The following GCFC2 variants were observed in gnomAD, a reference collection of about 807,000 sequenced individuals.
GCFC2 encodes the protein intron Large complex component GCFC2.
A neutral mutation model predicts 99.4 loss-of-function variants in GCFC2; 102 were observed. The ratio of observed to expected loss-of-function variants is 1.03; its 90% CI spans 0.87 to 1.21. GCFC2 has a LOEUF of 1.21. Among genes scored for constraint, GCFC2 ranks in the 50% most tolerant of loss-of-function variants. The pLI, the probability that GCFC2 is intolerant of heterozygous loss-of-function variation, is 0.00. For synonymous variants in GCFC2, 338 were observed against 316.8 expected (o/e 1.07, Z -0.71); for missense variants, 973 against 920.9 (o/e 1.06, Z -0.73).
chr2:75,706,928 G>C (rs1359925349), intron 1 of GCFC2, among the ~76,000 whole-genome samples: 3 of 151,932 alleles, frequency 2.0e-5, no homozygotes, highest in Non-Finnish European at 4.4e-5. Context: ...GAAAAAAAAA[G>C]CGACAAAAAA....
chr2:75,694,841 G>A lies in GCFC2; in HGVS notation c.834-414C>T, dbSNP rs143607955. On this transcript the variant is annotated intron_variant, in intron 5 of 16. Transcript: ENST00000321027. ...ATAATGTCCTTTTTTGTATAAAAAC[G>A]GGAATATATAAGTATACATGTGCTT... is the stretch of plus-strand genomic sequence containing the variant. Among the ~76,000 whole-genome samples, 15 of 152,098 alleles carry A rather than the reference G, an allele frequency of 9.9e-5. No individual in the cohort carries two copies. In the East Asian group the frequency reaches 2.3e-3, roughly 23 times the overall value.
At chr2:75,713,045 T>G (rs1049355516), upstream of GCFC2, among the ~76,000 whole-genome samples, 22 of 152,338 alleles carry the variant, frequency 1.4e-4, no homozygotes, top group Admixed American at 1.3e-3. Flanking sequence ...GTTTCTCTGA[T>G]TGACCTAGCC....
At position 75,692,019 on chromosome 2, in the gene GCFC2, C is replaced by T; in HGVS notation, c.1102G>A (p.Asp368Asn). The stretch of plus-strand genomic sequence containing the variant: ...TACGTTGATTCATGTTTTAATTCAT[C>T]TTGCCTGCGTTTCATAAAGGTCATA... ...QAMTFMKRRQDELKHESTYLQ... is the reference protein window; with the variant it reads ...QAMTFMKRRQNELKHESTYLQ... Residue 368 changes from aspartate (D) to asparagine (N), a missense_variant, in exon 7 of 17, where the codon GAT (aspartate) becomes AAT (asparagine). Transcript: ENST00000321027. 1 of 1,566,414 alleles carries T rather than the reference C, an allele frequency of 6.4e-7. No homozygotes were observed.
Position 75,690,018 on chromosome 2 carries a change from A to T in GCFC2, c.1290T>A (p.Ser430Arg). The stretch of plus-strand genomic sequence containing the variant: ...TCTCTGCTGAAGGCAGTTCATCATC[A>T]CTAGATGTTCCTTCCTGATGGTTAC... ...GNCNHQEGTS[S>R]DDELPSAEMI... is the part of the protein sequence containing the mutation. Residue 430 changes from serine (S) to arginine (R), a missense_variant, in exon 9 of 17, where the codon AGT (serine) becomes AGA (arginine). Ser to Arg is a moderately radical substitution (Grantham distance 110). Transcript: ENST00000321027. 1 of 1,610,450 alleles carries T rather than the reference A, an allele frequency of 6.2e-7. No individual in the cohort carries two copies.
At chr2:75,676,552 A>T (rs1679348259) in intron 12 of GCFC2, among the ~76,000 whole-genome samples, 2 of 152,148 alleles carry the variant, frequency 1.3e-5, no homozygotes, top group Non-Finnish European at 2.9e-5. Flanking sequence ...TAAATGCAAT[A>T]TTCCCAGGAA....
At chr2:75,667,668 G>A (rs1338489844) in intron 15 of GCFC2, among the ~76,000 whole-genome samples, 5 of 152,258 alleles carry the variant, frequency 3.3e-5, no homozygotes, top group Middle Eastern at 6.8e-3. Flanking sequence ...TGTATTACAA[G>A]TCTCAGTAAA....
At chr2:75,665,770 A>T (rs1010684827) in intron 16 of GCFC2, among the ~76,000 whole-genome samples, 159 bp downstream of exon 16, 1 of 152,228 alleles carries the variant, frequency 6.6e-6, no homozygotes, top group East Asian at 1.9e-4. Flanking sequence ...GGATATGCAT[A>T]AGCCATCCCA....
intron 15 of GCFC2, 66 bp downstream of exon 15, chr2:75,670,072 A>G: frequency 9.3e-7 from 1 of 1,080,724 alleles, no homozygotes; most frequent in South Asian, 1.4e-5. Context: ...TTGCTAAATA[A>G]TAGATTTTAA....
At chr2:75,683,753 T>A in intron 11 of GCFC2, among the ~76,000 whole-genome samples, 1 of 93,928 alleles carries the variant, frequency 1.1e-5, no homozygotes, top group African/African-American at 4.9e-5. Context: ...GAGGAATATT[T>A]ACCAAGTAAA....
chr2:75,697,769 T>A (rs1680396809), intron 4 of GCFC2: 1 of 152,218 alleles, frequency 6.6e-6, no homozygotes, highest in Non-Finnish European at 1.5e-5. Context: ...ACATGTACCA[T>A]CCTAAGAGAT....
intron 11 of GCFC2, among the ~76,000 whole-genome samples, chr2:75,684,938 C>T (rs1442106661): frequency 6.6e-6 from 1 of 152,166 alleles, no homozygotes; most frequent in Non-Finnish European, 1.5e-5. Flanking sequence ...TGGAAACCAT[C>T]ATTCTCAGCA....
Position 75,663,155 on chromosome 2 carries a change from C to G in GCFC2, c.*1511G>C, listed in dbSNP as rs1678689041. The G allele has an allele frequency of 6.6e-6, 1 of 152,170 alleles. No homozygotes were observed. Among genetic ancestry groups the G allele is most frequent in the African/African-American group, 2.4e-5 (1 of 41,446 alleles). 9.4% of individuals were successfully genotyped at this position (152,170 alleles called of 1,614,324 possible). On this transcript the variant is annotated 3_prime_UTR_variant, in exon 17 of 17. Coordinates refer to ENST00000321027, the MANE Select transcript of GCFC2 (RefSeq NM_003203.5). ...CATACCAGTGAATCACAAGTCCTCACTGCAACAGACATAACAAATCCAACT... is the reference window on the plus strand; with the variant it reads ...CATACCAGTGAATCACAAGTCCTCAGTGCAACAGACATAACAAATCCAACT...
At chr2:75,684,324 CTCA>C (rs1473247200) in intron 11 of GCFC2, among the ~76,000 whole-genome samples, 1 of 152,172 alleles carries the variant, frequency 6.6e-6, no homozygotes, top group African/African-American at 2.4e-5. Flanking sequence ...GATTAAGAAA[CTCA>C]CTCAAAACCG....
rs766584572 is a variant in GCFC2 at position 75,701,292 on chromosome 2, C to A, written c.620-5G>T. On this transcript the variant is annotated splice_polypyrimidine_tract_variant and splice_region_variant and intron_variant, in intron 3 of 16. Coordinates refer to ENST00000321027, the MANE Select transcript of GCFC2 (RefSeq NM_003203.5). The stretch of plus-strand genomic sequence containing the variant: ...TTGTTTCTTCATTTCTGCTTACTAG[C>A]GGAAAAAAAGCTCACATGTAAACGT... 1.3e-6 allele frequency: 2 copies of A among 1,564,454 alleles called. No individual in the cohort carries two copies. The highest frequency in any genetic ancestry group is 1.7e-4 in the Middle Eastern group (1 of 6,000).
At chr2:75,709,975 T>C (rs1292799884) in intron 1 of GCFC2, among the ~76,000 whole-genome samples, 1 of 152,224 alleles carries the variant, frequency 6.6e-6, no homozygotes, top group Non-Finnish European at 1.5e-5. Flanking sequence ...CTTACACCTG[T>C]ATTTAAGAAC....
Position 75,664,568 on chromosome 2 carries a change from T to G in GCFC2, c.*98A>C. On this transcript the variant is annotated 3_prime_UTR_variant, in exon 17 of 17. Coordinates refer to ENST00000321027, the MANE Select transcript of GCFC2 (RefSeq NM_003203.5). ...GCTTTTTTTCAAATCCTACCTTCTA[T>G]TACAGGGAATAAAGAAGAGAGAGGC... is the stretch of plus-strand genomic sequence containing the variant. 1 of 623,374 alleles carries G rather than the reference T, an allele frequency of 1.6e-6. No individual in the cohort carries two copies. Among genetic ancestry groups the G allele is most frequent in the Non-Finnish European group, 2.8e-6 (1 of 351,578 alleles). The allele number at this position is 623,374 out of a possible 1,614,324, so 38.6% of individuals were successfully genotyped here.
At chr2:75,712,789 G>T (rs1391673888), upstream of GCFC2, among the ~76,000 whole-genome samples, 3 of 151,906 alleles carry the variant, frequency 2.0e-5, no homozygotes, top group African/African-American at 7.3e-5. Context: ...CCCCAGACGC[G>T]CCACCTTAAG....
chr2:75,688,423 G>C (rs148689450), intron 10 of GCFC2, among the ~76,000 whole-genome samples: 152 of 152,230 alleles, frequency 1.0e-3, no homozygotes, highest in African/African-American at 3.4e-3. Flanking sequence ...TTTAGTTAAA[G>C]GTCCTATTAC....
intron 7 of GCFC2, 63 bp from the exon 8 acceptor site, chr2:75,690,782 G>A: frequency 1.3e-6 from 1 of 793,614 alleles, no homozygotes; most frequent in South Asian, 1.5e-5. Flanking sequence ...AAAATGCTTT[G>A]AAAATAAAGG....
Sources: allele counts gnomAD v4.1 joint callset (sites outside exome capture counted in the v4.1 genomes callset), GRCh38; gene constraint gnomAD v4.1.1; transcripts MANE v1.5; gene names NCBI Gene and HGNC (gene_info 2026-07-23, HGNC 2026-07-21).